Variants in RBM19 observed in about 807,000 individuals in gnomAD.
The protein encoded by RBM19 is RNA binding motif protein 19.
In RBM19, 94 loss-of-function variants were observed where a neutral mutation model predicts 116.8. The observed-to-expected ratio is 0.80, with a 90% CI of 0.68 to 0.95. The LOEUF (loss-of-function observed/expected upper bound fraction) is 0.95, where lower values mean the gene tolerates loss of function less well. RBM19 is among the 40% of genes least tolerant of loss of function. The pLI is 0.00. For missense variants in RBM19, 1,161 were observed against 1,220.7 expected, an observed-to-expected ratio of 0.95 and a Z score of 0.73; for synonymous variants, 475 against 494.1, an observed-to-expected ratio of 0.96 and a Z score of 0.51.
intron 22 of RBM19, among the ~76,000 whole-genome samples, chr12:113,851,027 C>T (rs530892081): frequency 3.9e-5 from 6 of 152,312 alleles, no homozygotes; most frequent in East Asian, 1.9e-4. Context: ...TCCTTTCCTT[C>T]GGTCCCAAGG....
intron 21 of RBM19, among the ~76,000 whole-genome samples, chr12:113,871,406 G>C (rs1249340796): frequency 6.6e-6 from 1 of 152,230 alleles, no homozygotes; most frequent in African/African-American, 2.4e-5. Flanking sequence ...AAGACTTCCA[G>C]AAGTGACAAC....
intron 23 of RBM19, among the ~76,000 whole-genome samples, chr12:113,841,387 G>A (rs1408493891): frequency 6.6e-6 from 1 of 151,902 alleles, no homozygotes; most frequent in African/African-American, 2.4e-5. Flanking sequence ...ACATACCCCA[G>A]GTTTAGTGAC....
intron 22 of RBM19, among the ~76,000 whole-genome samples, chr12:113,857,794 C>T (rs1878022703): frequency 6.6e-6 from 1 of 152,222 alleles, no homozygotes; most frequent in Admixed American, 6.5e-5. Context: ...GAGCTGCCAC[C>T]TTTGGCTCTG....
intron 1 of RBM19, among the ~76,000 whole-genome samples, chr12:113,963,379 T>A (rs1286163401): frequency 6.6e-6 from 1 of 152,140 alleles, no homozygotes; most frequent in African/African-American, 2.4e-5. Context: ...GGGATATTTG[T>A]GTGTGTGGTA....
downstream of RBM19, among the ~76,000 whole-genome samples, chr12:113,820,636 G>C (rs1874352604): frequency 6.6e-6 from 1 of 152,170 alleles, no homozygotes; most frequent in Non-Finnish European, 1.5e-5. Flanking sequence ...CCGGAAGAGA[G>C]GAGATGAGGG....
chr12:113,880,799 C>T (rs1880057271), intron 21 of RBM19, among the ~76,000 whole-genome samples: 1 of 152,174 alleles, frequency 6.6e-6, no homozygotes. Flanking sequence ...TGTACCTTAG[C>T]TCTGTGACTG....
chr12:113,959,174 G>T (rs1421963780), intron 5 of RBM19, 38 bp downstream of exon 5: 1 of 1,581,498 alleles, frequency 6.3e-7, no homozygotes, highest in Non-Finnish European at 8.6e-7. Flanking sequence ...GCAAGCACAG[G>T]TCCGTGCGCA....
In RBM19 at chr12:113,947,359, G is replaced by A. The variant is rs762731401; in HGVS notation, c.1382C>T (p.Ser461Leu). Residue 461 changes from serine (S) to leucine (L), a missense_variant, in exon 11 of 24, where the codon TCG (serine) becomes TTG (leucine). Transcript: ENST00000261741. ...MFPEHAVKAY[S>L]EVDGQVFQGR... Reference sequence around the variant, plus strand: ...CTGGAATACCTGCCCGTCCACCTCCGAGTAGGCCTTCACAGCGTGCTCAGG... The same window carrying A: ...CTGGAATACCTGCCCGTCCACCTCCAAGTAGGCCTTCACAGCGTGCTCAGG... The A allele has an allele frequency of 2.0e-5, 32 of 1,605,552 alleles. No individual in the cohort carries two copies. Among genetic ancestry groups the A allele is most frequent in the Admixed American group, 5.0e-5 (3 of 59,836 alleles).
At chr12:113,918,832 A>C (rs1362469098) in intron 19 of RBM19, among the ~76,000 whole-genome samples, 1 of 152,216 alleles carries the variant, frequency 6.6e-6, no homozygotes. Flanking sequence ...ATCCTAGTGG[A>C]GTTGCATCTA....
chr12:113,884,298 T>TACACACACACACACAC (rs56150788), intron 21 of RBM19, among the ~76,000 whole-genome samples: 1 of 137,298 alleles, frequency 7.3e-6, no homozygotes, highest in African/African-American at 2.8e-5. Flanking sequence ...AAAAAAAGTA[T>TACACACACACACACAC]ACACACACAC....
intron 16 of RBM19, among the ~76,000 whole-genome samples, chr12:113,927,709 C>A (rs532579312): frequency 2.0e-4 from 30 of 151,880 alleles, no homozygotes; most frequent in African/African-American, 7.2e-4. Context: ...AGTCTAAATA[C>A]CCCCTTGAAC....
intron 23 of RBM19, among the ~76,000 whole-genome samples, chr12:113,827,146 CCAAA>C (rs1874938310): frequency 1.3e-5 from 2 of 152,068 alleles, no homozygotes; most frequent in South Asian, 4.1e-4. Context: ...TGGGTTTTCA[CCAAA>C]CAAACATAAT....
At chr12:113,911,873 G>C (rs1365820865) in intron 21 of RBM19, among the ~76,000 whole-genome samples, 1 of 152,192 alleles carries the variant, frequency 6.6e-6, no homozygotes, top group African/African-American at 2.4e-5. Context: ...GTTATCACTA[G>C]TGTTACTACC....
chr12:113,877,248 C>A (rs986375436), intron 21 of RBM19, among the ~76,000 whole-genome samples: 11 of 152,246 alleles, frequency 7.2e-5, no homozygotes, highest in African/African-American at 2.4e-4. Flanking sequence ...CACAAAGACC[C>A]ACAGGTTGGA....
In RBM19 at chr12:113,823,174, G is replaced by A. The variant is rs550852924; in HGVS notation, c.*50C>T. ...GGTGGTGAGTGCAGAAGCTGGAGCG[G>A]CTGTCCCGGTCCCCAGGGCCCCGGA... On this transcript the variant is annotated 3_prime_UTR_variant, in exon 24 of 24. Transcript: ENST00000261741. The A allele has an allele frequency of 1.4e-5, 21 of 1,547,820 alleles. No individual in the cohort carries two copies. Among genetic ancestry groups the A allele is most frequent in the Non-Finnish European group, 1.7e-5 (19 of 1,135,722 alleles).
At chr12:113,846,805 T>C (rs921615247) in intron 22 of RBM19, among the ~76,000 whole-genome samples, 1 of 152,276 alleles carries the variant, frequency 6.6e-6, no homozygotes, top group South Asian at 2.1e-4. Context: ...CTCGAACCCC[T>C]GGGCTCAAGC....
At chr12:113,940,523 G>A (rs750572800) in intron 14 of RBM19, among the ~76,000 whole-genome samples, 4 of 152,168 alleles carry the variant, frequency 2.6e-5, no homozygotes, top group African/African-American at 4.8e-5. Context: ...CTGCTACCAC[G>A]TGCAGCCAGC....
rs375660877 is a variant in RBM19, at chr12:113,822,430, G to A, written c.*794C>T. On this transcript the variant is annotated 3_prime_UTR_variant, in exon 24 of 24. Transcript: ENST00000261741. The stretch of plus-strand genomic sequence containing the variant: ...TCACAGGGCTCTGGGCCCGTGAGCA[G>A]AACGCGTCCACCATGAGTGACATCA... 2.8e-4 allele frequency: 42 copies of A among 152,358 alleles called. No individual in the cohort carries two copies. The highest frequency in any genetic ancestry group is 9.9e-4 in the African/African-American group (41 of 41,586). 9.4% of individuals were successfully genotyped at this position (152,358 alleles called of 1,614,324 possible).
At chr12:113,878,842 AAG>A (rs1491366848) in intron 21 of RBM19, among the ~76,000 whole-genome samples, 12 of 136,112 alleles carry the variant, frequency 8.8e-5, no homozygotes, top group African/African-American at 1.7e-4. Flanking sequence ...AAAAAAAAAA[AAG>A]GGGGGGGTGG....
Sources: allele counts gnomAD v4.1 joint callset (sites outside exome capture counted in the v4.1 genomes callset), GRCh38; gene constraint gnomAD v4.1.1; transcripts MANE v1.5; gene names NCBI Gene and HGNC (gene_info 2026-07-23, HGNC 2026-07-21).